The following DOCK8 variants were observed in gnomAD, a reference collection of about 807,000 sequenced individuals.
DOCK8 encodes the protein dedicator of cytokinesis 8, also known as dedicator of cytokinesis protein 8.
A neutral mutation model predicts 245.6 loss-of-function variants in DOCK8; 141 were observed. The observed-to-expected ratio is 0.57, with a 90% CI of 0.50 to 0.66. The LOEUF is 0.66. Among genes scored for constraint, DOCK8 ranks in the 30% least tolerant of loss-of-function variants. The probability of loss-of-function intolerance (pLI) is 0.00; values close to 1 mark genes in which losing one functional copy is unlikely to be tolerated. For synonymous variants in DOCK8, 1,168 were observed against 970.2 expected (o/e 1.20, Z -3.79); for missense variants, 2,965 against 2,603.4 (o/e 1.14, Z -3.02).
At chr9:247,916 A>G (rs1441167928) in intron 1 of DOCK8, among the ~76,000 whole-genome samples, 1 of 151,498 alleles carries the variant, frequency 6.6e-6, no homozygotes, top group Admixed American at 6.6e-5. Context: ...AAACTAAAAC[A>G]TTACTTCTGT....
At chr9:347,652 C>G (rs1056691233) in intron 14 of DOCK8, among the ~76,000 whole-genome samples, 1 of 152,162 alleles carries the variant, frequency 6.6e-6, no homozygotes, top group African/African-American at 2.4e-5. Flanking sequence ...GCAGCCCAGG[C>G]AAAATCTAGT....
intron 2 of DOCK8, among the ~76,000 whole-genome samples, chr9:279,693 T>G (rs903370245): frequency 6.6e-6 from 1 of 152,250 alleles, no homozygotes; most frequent in African/African-American, 2.4e-5. Flanking sequence ...TTTGGCATCA[T>G]GAAGTCTTAG....
chr9:272,989 T>C (rs754932249), intron 2 of DOCK8: 58 of 975,420 alleles, frequency 5.9e-5, no homozygotes, highest in Non-Finnish European at 6.8e-5. Context: ...TACTTATTAC[T>C]TCGAAACCAC....
Position 426,775 on chromosome 9 carries a change from C to A in DOCK8, c.4242-110C>A, listed in dbSNP as rs2056518467. The A allele has an allele frequency of 7.0e-6, 6 of 854,200 alleles. No individual in the cohort carries two copies. In the Admixed American group the frequency reaches 1.2e-4, roughly 17 times the overall value. 52.9% of individuals were successfully genotyped at this position (854,200 alleles called of 1,614,324 possible). The stretch of plus-strand genomic sequence containing the variant: ...AGGGCCAGTTGCTCTGTTTTCATTT[C>A]AAGGTTGACTATTTTGGAGATTTCT... On this transcript the variant is annotated intron_variant, in intron 33 of 47. Transcript: ENST00000432829.
chr9:418,183 A>C lies in DOCK8; in HGVS notation c.3816A>C (p.Thr1272=), dbSNP rs756267297. The change falls in exon 30 of 48, where the codon ACA becomes ACC. Residue 1272 remains threonine, a synonymous_variant. Transcript: ENST00000432829. ...CAGGGAATAATTTCAATTTGAAAAC[A>C]AGTGGAATAGTGCTGTCTTCCTTGG... ...AIAGNNFNLK[T]SGIVLSSLPY... 1 of 1,614,216 alleles carries C rather than the reference A, an allele frequency of 6.2e-7. No individual in the cohort carries two copies. Among genetic ancestry groups the C allele is most frequent in the South Asian group, 1.1e-5 (1 of 91,086 alleles).
rs150647195 is a variant in DOCK8, at chr9:340,584, G to A, written c.1679+263G>A. On this transcript the variant is annotated intron_variant, in intron 14 of 47. Coordinates refer to ENST00000432829, the MANE Select transcript of DOCK8 (RefSeq NM_203447.4). ...TGCAGTGAGCCAAGATTGCACTACT[G>A]CACTCCAGCCTGGGAGACAGAACCA... 5.0e-3 allele frequency: 1,968 copies of A among 393,756 alleles called. 37 individuals are homozygous for A. The highest frequency in any genetic ancestry group is 0.035 in the African/African-American group (1,714 of 48,820). 24.4% of individuals were successfully genotyped at this position (393,756 alleles called of 1,614,324 possible). A position where few individuals can be genotyped will look rare whatever the true frequency, so the allele number is the denominator to read the frequency against.
chr9:311,901 C>T, intron 5 of DOCK8, 53 bp from the exon 6 acceptor site: 1 of 1,601,714 alleles, frequency 6.2e-7, no homozygotes, highest in South Asian at 1.1e-5. Flanking sequence ...TTCTTCGGTT[C>T]TCATTTTAGA....
At chr9:239,496 A>G (rs931293140) in intron 1 of DOCK8, among the ~76,000 whole-genome samples, 42 of 152,350 alleles carry the variant, frequency 2.8e-4, no homozygotes, top group Admixed American at 2.2e-3. Flanking sequence ...AAGAAAGGAA[A>G]TATTGAAAGA....
intron 1 of DOCK8, among the ~76,000 whole-genome samples, chr9:223,124 A>G (rs1384474666): frequency 2.0e-5 from 3 of 152,206 alleles, no homozygotes; most frequent in Non-Finnish European, 2.9e-5. Context: ...GAAACCTCAA[A>G]AAACTTCGAC....
At chr9:259,980 C>G (rs2047877654) in intron 1 of DOCK8, among the ~76,000 whole-genome samples, 1 of 152,176 alleles carries the variant, frequency 6.6e-6, no homozygotes, top group Non-Finnish European at 1.5e-5. Flanking sequence ...GGCTTTGTTC[C>G]CAGACCACAG....
intron 26 of DOCK8, among the ~76,000 whole-genome samples, chr9:400,566 CCACCACCACCTCCACCAT>C (rs1564014476): frequency 8.5e-4 from 37 of 43,442 alleles, no homozygotes; most frequent in South Asian, 1.0e-3. Flanking sequence ...TTCACCATCA[CCACCACCACCTCCACCAT>C]CACCACCACC....
intron 28 of DOCK8, among the ~76,000 whole-genome samples, chr9:414,402 G>A (rs965360435): frequency 6.6e-6 from 1 of 151,752 alleles, no homozygotes; most frequent in African/African-American, 2.4e-5. Flanking sequence ...CTAAACAGCA[G>A]ACCCAGGGTT....
At chr9:225,967 G>C (rs1032160282) in intron 1 of DOCK8, among the ~76,000 whole-genome samples, 9 of 152,108 alleles carry the variant, frequency 5.9e-5, no homozygotes, top group African/African-American at 2.2e-4. Flanking sequence ...GAGCTGAAGA[G>C]GGAAGTTAGC....
intron 45 of DOCK8, among the ~76,000 whole-genome samples, chr9:450,185 G>T (rs1354714755): frequency 1.3e-5 from 2 of 152,132 alleles, no homozygotes; most frequent in Admixed American, 6.5e-5. Flanking sequence ...CTTTCTCAGA[G>T]GAGTCTCCAC....
At chr9:277,989 G>A (rs9406915) in intron 2 of DOCK8, among the ~76,000 whole-genome samples, 83,618 of 152,118 alleles carry the variant, frequency 0.55, 24,319 homozygotes, top group African/African-American at 0.74. Context: ...TTCTGATTCT[G>A]TTGTTCTTTT....
chr9:288,292 C>T (rs1167297164), intron 3 of DOCK8, among the ~76,000 whole-genome samples: 1 of 152,096 alleles, frequency 6.6e-6, no homozygotes, highest in Admixed American at 6.5e-5. Context: ...ACAACCTGTG[C>T]CTAGCCCAGA....
chr9:319,896 C>T (rs1044266680), intron 7 of DOCK8, among the ~76,000 whole-genome samples: 1 of 152,160 alleles, frequency 6.6e-6, no homozygotes, highest in Non-Finnish European at 1.5e-5. Flanking sequence ...TCTTAGGAGT[C>T]TTCTTGATGG....
chr9:216,800 T>C (rs999072729), intron 1 of DOCK8, among the ~76,000 whole-genome samples: 1 of 152,096 alleles, frequency 6.6e-6, no homozygotes, highest in African/African-American at 2.4e-5. Context: ...AGGGTTGATC[T>C]GGGGTGAGTG....
intron 4 of DOCK8, among the ~76,000 whole-genome samples, chr9:290,885 T>G (rs1172297568): frequency 6.6e-6 from 1 of 152,230 alleles, no homozygotes; most frequent in South Asian, 2.1e-4. Flanking sequence ...GAGTTTGTGC[T>G]GAGGTTTTCT....
Sources: allele counts gnomAD v4.1 joint callset (sites outside exome capture counted in the v4.1 genomes callset), GRCh38; gene constraint gnomAD v4.1.1; transcripts MANE v1.5; gene names NCBI Gene and HGNC (gene_info 2026-07-23, HGNC 2026-07-21).